GSK3B: variants seen among roughly 807,000 people sequenced by gnomAD.
GSK3B encodes glycogen synthase kinase 3 beta.
Under a neutral mutation model 56.4 loss-of-function variants are expected in GSK3B, and 15 were observed. The observed-to-expected ratio is 0.27, with a 90% CI of 0.18 to 0.41. The LOEUF (loss-of-function observed/expected upper bound fraction) is 0.41. Among genes scored for constraint, GSK3B ranks in the 10% least tolerant of loss-of-function variants. The probability of loss-of-function intolerance (pLI) is 1.00; values close to 1 mark genes in which losing one functional copy is unlikely to be tolerated. For missense variants in GSK3B, 300 were observed against 513.4 expected, an observed-to-expected ratio of 0.58 and a Z score of 4.02; for synonymous variants, 181 against 188.9, an observed-to-expected ratio of 0.96 and a Z score of 0.34.
chr3:119,826,974 AC>A (rs1287871316), intron 10 of GSK3B, 119 bp from the exon 11 acceptor site: 1 of 662,382 alleles, frequency 1.5e-6, no homozygotes, highest in Admixed American at 2.8e-5. Context: ...GTTATTTGGA[AC>A]GTTGTTTTAA....
intron 3 of GSK3B, among the ~76,000 whole-genome samples, chr3:119,944,238 CA>C (rs1301157521): frequency 6.6e-6 from 1 of 152,128 alleles, no homozygotes; most frequent in East Asian, 1.9e-4. Context: ...ATCTCCCTCC[CA>C]TAACATTCTC....
In GSK3B at chr3:120,079,098, T is replaced by G. The variant is rs898236603; in HGVS notation, c.88+14249A>C. On this transcript the variant is annotated intron_variant, in intron 1 of 10. Coordinates refer to ENST00000264235, the MANE Select transcript of GSK3B (RefSeq NM_001146156.2). The stretch of plus-strand genomic sequence containing the variant: ...CTGGGATTACAAGCATGCACCACCA[T>G]GCCCAGCTAATTTTTGTATTTTTGG... 4.0e-5 allele frequency among the ~76,000 whole-genome samples: 6 copies of G among 150,810 alleles called. No homozygotes were observed. The East Asian group carries it at 1.2e-3, about 30-fold the overall frequency.
intron 8 of GSK3B, among the ~76,000 whole-genome samples, chr3:119,867,232 A>C (rs2056194798): frequency 6.6e-6 from 1 of 152,206 alleles, no homozygotes; most frequent in Non-Finnish European, 1.5e-5. Flanking sequence ...TGAGCTAAGA[A>C]GGATCAGGCC....
Position 119,821,837 on chromosome 3 carries a change from T to A in GSK3B, c.*4951A>T, listed in dbSNP as rs184362355. 4.8e-4 allele frequency: 81 copies of A among 170,054 alleles called. 1 individual carries two copies. The highest frequency in any genetic ancestry group is 1.7e-3 in the African/African-American group (72 of 42,158). 10.5% of individuals were successfully genotyped at this position (170,054 alleles called of 1,614,324 possible). On this transcript the variant is annotated 3_prime_UTR_variant, in exon 11 of 11. Coordinates refer to ENST00000264235, the MANE Select transcript of GSK3B (RefSeq NM_001146156.2). ...ATATCTTGTTCTGTATAACAAAGAT[T>A]AATGTTTCCCTAATTAGAGGAATGG...
At chr3:119,944,154 A>G (rs2107488755) in intron 3 of GSK3B, among the ~76,000 whole-genome samples, 1 of 152,284 alleles carries the variant, frequency 6.6e-6, no homozygotes, top group South Asian at 2.1e-4. Flanking sequence ...ATTCTTTCTC[A>G]TCTTCACAAT....
chr3:119,824,395 T>C lies in GSK3B; in HGVS notation c.*2393A>G, dbSNP rs971856845. 3 of 219,126 alleles carry C rather than the reference T, an allele frequency of 1.4e-5. No individual in the cohort carries two copies. The highest frequency in any genetic ancestry group is 5.8e-5 in the Admixed American group (1 of 17,210). 13.6% of individuals were successfully genotyped at this position (219,126 alleles called of 1,614,324 possible). A position where few individuals can be genotyped will look rare whatever the true frequency, so the allele number is the denominator to read the frequency against. On this transcript the variant is annotated 3_prime_UTR_variant, in exon 11 of 11. Coordinates refer to ENST00000264235, the MANE Select transcript of GSK3B (RefSeq NM_001146156.2). ...ATGAAATGAGAGAAAAGCGTGACTT[T>C]TCTCTCTTCTTTTACCCCAGTTGTG... is the stretch of plus-strand genomic sequence containing the variant.
At chr3:119,916,238 A>T (rs2056779173) in intron 4 of GSK3B, 64 bp from the exon 5 acceptor site, 2 of 1,338,870 alleles carry the variant, frequency 1.5e-6, no homozygotes, top group Non-Finnish European at 2.1e-6. Flanking sequence ...ATCCTTAAGC[A>T]GTCAATAAAG....
At chr3:119,994,062 C>T (rs1389541194) in intron 2 of GSK3B, among the ~76,000 whole-genome samples, 2 of 152,126 alleles carry the variant, frequency 1.3e-5, no homozygotes, top group African/African-American at 4.8e-5. Context: ...CGGGGTTTCA[C>T]CATGTTAGCC....
intron 7 of GSK3B, among the ~76,000 whole-genome samples, chr3:119,902,045 G>A (rs116693694): frequency 0.015 from 2,294 of 152,172 alleles, 57 homozygotes; most frequent in African/African-American, 0.051. Context: ...TAAGCACTAA[G>A]GGTGCATGAC....
intron 2 of GSK3B, among the ~76,000 whole-genome samples, chr3:119,959,458 G>A (rs1272967837): frequency 6.8e-6 from 1 of 148,048 alleles, no homozygotes; most frequent in Non-Finnish European, 1.5e-5. Flanking sequence ...CACTCCTCTA[G>A]TTGCCCAGGT....
At chr3:120,037,798 G>A (rs544649768) in intron 1 of GSK3B, among the ~76,000 whole-genome samples, 1 of 152,002 alleles carries the variant, frequency 6.6e-6, no homozygotes, top group Admixed American at 6.5e-5. Context: ...GTTATTCTAG[G>A]TCAGTCATTA....
At chr3:120,085,637 T>G (rs1368689272) in intron 1 of GSK3B, among the ~76,000 whole-genome samples, 2 of 152,110 alleles carry the variant, frequency 1.3e-5, no homozygotes, top group Non-Finnish European at 2.9e-5. Flanking sequence ...CCATCTCTAC[T>G]ACAAATACAA....
At chr3:119,899,407 C>T (rs2056603895) in intron 7 of GSK3B, among the ~76,000 whole-genome samples, 1 of 152,070 alleles carries the variant, frequency 6.6e-6, no homozygotes, top group African/African-American at 2.4e-5. Context: ...ATGCTTACTT[C>T]TTAGGGTTAA....
intron 7 of GSK3B, among the ~76,000 whole-genome samples, chr3:119,892,979 T>G (rs996868777): frequency 6.6e-6 from 1 of 152,114 alleles, no homozygotes; most frequent in African/African-American, 2.4e-5. Flanking sequence ...AAATGTCATC[T>G]CCTCTGGCAT....
intron 10 of GSK3B, among the ~76,000 whole-genome samples, chr3:119,832,141 C>G (rs917016470): frequency 1.3e-5 from 2 of 152,222 alleles, no homozygotes; most frequent in African/African-American, 2.4e-5. Flanking sequence ...GCATTGCCTT[C>G]TTTCTTGAAT....
At chr3:119,883,498 G>A (rs565654453) in intron 7 of GSK3B, among the ~76,000 whole-genome samples, 1 of 152,158 alleles carries the variant, frequency 6.6e-6, no homozygotes, top group Admixed American at 6.6e-5. Context: ...GTCAGCAAAT[G>A]TTTTCTGGAA....
rs557596419 is a variant in GSK3B at position 119,889,101 on chromosome 3, G to T, written c.814-12593C>A. Among the ~76,000 whole-genome samples, 5 of 152,096 alleles carry T rather than the reference G, an allele frequency of 3.3e-5. No homozygotes were observed. In the East Asian group the frequency reaches 7.7e-4, roughly 24 times the overall value. On this transcript the variant is annotated intron_variant, in intron 7 of 10. Coordinates refer to ENST00000264235, the MANE Select transcript of GSK3B (RefSeq NM_001146156.2). ...GCATGTGATCTTTGTTCTGCCTTTT[G>T]CCCTATGAAACATGTGATCTTGGGA...
At position 119,840,425 on chromosome 3, in the gene GSK3B, C is replaced by T. The variant is rs142280096; in HGVS notation, c.1195+2830G>A. ...TTTTAGTAGAGACAGGGTATCTCCA[C>T]GTTGGTCAGGCTCGTCTTGAACTCC... On this transcript the variant is annotated intron_variant, in intron 10 of 10. Coordinates refer to ENST00000264235, the MANE Select transcript of GSK3B (RefSeq NM_001146156.2). Among the ~76,000 whole-genome samples, 896 of 152,096 alleles carry T rather than the reference C, an allele frequency of 5.9e-3. 7 individuals carry two copies. Among genetic ancestry groups the T allele is most frequent in the Non-Finnish European group, 8.2e-3 (561 of 68,006 alleles).
At chr3:120,015,680 C>G (rs932284120) in intron 1 of GSK3B, among the ~76,000 whole-genome samples, 2 of 98,846 alleles carry the variant, frequency 2.0e-5, no homozygotes, top group African/African-American at 7.4e-5. Context: ...AAAAAAAAAA[C>G]TAGACATTAT....
Sources: gnomAD v4.1 joint callset for allele counts (sites outside exome capture counted in the v4.1 genomes callset) on GRCh38, gnomAD v4.1.1 for gene constraint, MANE v1.5 for transcripts, NCBI Gene and HGNC (gene_info 2026-07-23, HGNC 2026-07-21) for gene names.